The following RFX7 variants were observed in gnomAD, a reference collection of about 807,000 sequenced individuals.
RFX7 encodes regulatory factor X7, also known as DNA-binding protein RFX7.
Under a neutral mutation model 111.8 loss-of-function variants are expected in RFX7, and 26 were observed. The observed-to-expected ratio is 0.23, with a 90% CI of 0.17 to 0.32. The LOEUF (loss-of-function observed/expected upper bound fraction) is 0.32. Ranked by LOEUF, RFX7 falls within the 10% of genes least tolerant of loss-of-function variation. The pLI, the probability that RFX7 is intolerant of heterozygous loss-of-function variation, is 1.00. For missense variants in RFX7, 1,573 were observed against 1,772.9 expected (o/e 0.89, Z 2.02); for synonymous variants, 624 against 624.4 (o/e 1.00, Z 0.01).
intron 2 of RFX7, among the ~76,000 whole-genome samples, chr15:56,235,225 G>C (rs1171342854): frequency 6.6e-6 from 1 of 151,776 alleles, no homozygotes; most frequent in Non-Finnish European, 1.5e-5. Flanking sequence ...CCAGGCCGGA[G>C]TGCAGTGGCG....
intron 5 of RFX7, among the ~76,000 whole-genome samples, chr15:56,123,489 G>A (rs904357256): frequency 2.0e-5 from 3 of 152,186 alleles, no homozygotes; most frequent in African/African-American, 7.2e-5. Context: ...TCAAGTGGAA[G>A]GAAGGGGTTC....
intron 2 of RFX7, among the ~76,000 whole-genome samples, chr15:56,210,803 TAGAA>T (rs1292414572): frequency 2.0e-5 from 3 of 151,944 alleles, no homozygotes; most frequent in African/African-American, 7.2e-5. Flanking sequence ...AAGCAGTACT[TAGAA>T]AGAAATTTAT....
chr15:56,170,384 G>A (rs1430782271), intron 3 of RFX7, among the ~76,000 whole-genome samples: 1 of 152,138 alleles, frequency 6.6e-6, no homozygotes, highest in Non-Finnish European at 1.5e-5. Context: ...GTCTAGAATA[G>A]AGTTTCTTAA....
intron 2 of RFX7, among the ~76,000 whole-genome samples, chr15:56,185,232 AT>A (rs1460693827): frequency 2.6e-5 from 4 of 152,088 alleles, no homozygotes; most frequent in Admixed American, 1.3e-4. Flanking sequence ...TATGTATTTT[AT>A]TTTTAAACTA....
intron 3 of RFX7, 32 bp downstream of exon 3, chr15:56,179,238 A>C: frequency 1.8e-6 from 2 of 1,121,964 alleles, no homozygotes; most frequent in Non-Finnish European, 2.4e-6. Context: ...ACCTTATTGC[A>C]AAAGGATTTT....
At chr15:56,171,335 C>A (rs1595984723) in intron 3 of RFX7, among the ~76,000 whole-genome samples, 1 of 151,944 alleles carries the variant, frequency 6.6e-6, no homozygotes, top group Non-Finnish European at 1.5e-5. Context: ...GGCATGGGAC[C>A]AAATCAAGGA....
chr15:56,121,653 T>C (rs771741882), intron 5 of RFX7, among the ~76,000 whole-genome samples: 2 of 152,200 alleles, frequency 1.3e-5, no homozygotes, highest in African/African-American at 2.4e-5. Flanking sequence ...TTAAGGCCAA[T>C]AGCTCTTAGA....
At position 56,243,544 on chromosome 15, in the gene RFX7, ATGGCGGCGCCCCTCAGCCCCCCGC is replaced by A. The variant is rs2043744719; in HGVS notation, c.-126_-103del. The A allele has an allele frequency of 2.0e-6, 2 of 979,088 alleles. No homozygotes were observed. The highest frequency in any genetic ancestry group is 9.5e-5 in the South Asian group (2 of 20,986). 60.7% of individuals were successfully genotyped at this position (979,088 alleles called of 1,614,324 possible). A position where few individuals can be genotyped will look rare whatever the true frequency, so the allele number is the denominator to read the frequency against. On this transcript the variant is annotated 5_prime_UTR_variant, in exon 1 of 10. In the 5' UTR this introduces an upstream ATG that the reference lacks. Coordinates refer to ENST00000559447, the MANE Select transcript of RFX7 (RefSeq NM_022841.7). ...CGGGGCGCTTCACCGCGGGAGAGGC[ATGGCGGCGCCCCTCAGCCCCCCGC>A]TGGCGCCGCCGCCTCCTCCCGTCAG... is the stretch of plus-strand genomic sequence containing the variant.
chr15:56,194,440 G>A (rs2043128520), intron 2 of RFX7, among the ~76,000 whole-genome samples: 1 of 151,966 alleles, frequency 6.6e-6, no homozygotes, highest in Non-Finnish European at 1.5e-5. Flanking sequence ...CAAACTCTTA[G>A]CTTCTACCCC....
chr15:56,207,681 A>T (rs1304606948), intron 2 of RFX7, among the ~76,000 whole-genome samples: 1 of 152,208 alleles, frequency 6.6e-6, no homozygotes, highest in African/African-American at 2.4e-5. Context: ...GTGCTCTACA[A>T]AAGACTGTTA....
chr15:56,153,130 T>C (rs1394990962), intron 3 of RFX7, among the ~76,000 whole-genome samples: 2 of 151,958 alleles, frequency 1.3e-5, no homozygotes, highest in African/African-American at 4.8e-5. Flanking sequence ...CTACCAGAGG[T>C]ACAAAGAGGA....
rs144416971 is a variant in RFX7 at position 56,144,302 on chromosome 15, A to G, written c.278+99T>C. 2.5e-3 allele frequency: 943 copies of G among 380,432 alleles called. 2 individuals are homozygous for G. The highest frequency in any genetic ancestry group is 3.4e-3 in the Non-Finnish European group (705 of 210,130). The allele number at this position is 380,432 out of a possible 1,614,324, so 23.6% of individuals were successfully genotyped here. A position where few individuals can be genotyped will look rare whatever the true frequency, so the allele number is the denominator to read the frequency against. On this transcript the variant is annotated intron_variant, in intron 4 of 9. Coordinates refer to ENST00000559447, the MANE Select transcript of RFX7 (RefSeq NM_022841.7). ...TATGTTTTCTAATCATTTCAGGAAT[A>G]TTGCAAAAACTCTAACAACCAAAAC...
intron 2 of RFX7, among the ~76,000 whole-genome samples, chr15:56,214,222 A>G (rs1199422403): frequency 6.6e-6 from 1 of 152,180 alleles, no homozygotes; most frequent in Non-Finnish European, 1.5e-5. Context: ...CACTTTGGCT[A>G]TTCTAGGCCA....
intron 5 of RFX7, among the ~76,000 whole-genome samples, chr15:56,110,381 GC>G (rs1334266224): frequency 3.0e-5 from 3 of 100,058 alleles, no homozygotes; most frequent in Admixed American, 1.0e-4. Flanking sequence ...GGGGGGGTCA[GC>G]CCCCCGCCCG....
chr15:56,185,147 C>T (rs7183654), intron 2 of RFX7, among the ~76,000 whole-genome samples: 90 of 152,268 alleles, frequency 5.9e-4, no homozygotes, highest in African/African-American at 2.1e-3. Context: ...CTGGAACCTA[C>T]AAATTTTGCT....
At chr15:56,221,679 A>T (rs900867689) in intron 2 of RFX7, among the ~76,000 whole-genome samples, 1 of 151,776 alleles carries the variant, frequency 6.6e-6, no homozygotes, top group Non-Finnish European at 1.5e-5. Context: ...TATCACCTCT[A>T]TTGGCTTTTT....
At chr15:56,211,373 A>C (rs1373042101) in intron 2 of RFX7, among the ~76,000 whole-genome samples, 2 of 152,152 alleles carry the variant, frequency 1.3e-5, no homozygotes, top group Non-Finnish European at 2.9e-5. Context: ...CAAAAACACT[A>C]GAGACAGATC....
At chr15:56,227,613 C>T (rs1048150368) in intron 2 of RFX7, among the ~76,000 whole-genome samples, 7 of 152,122 alleles carry the variant, frequency 4.6e-5, no homozygotes, top group East Asian at 1.9e-4. Context: ...TACTGCTTCA[C>T]GATTAGCGCA....
At position 56,184,807 on chromosome 15, in the gene RFX7, T is replaced by G. The variant is rs183582300; in HGVS notation, c.162-5504A>C. The stretch of plus-strand genomic sequence containing the variant: ...CTTTATTTATCTTTATTATAATTAC[T>G]GCCACTGGCATTTATCTGTTTGTCC... On this transcript the variant is annotated intron_variant, in intron 2 of 9. Transcript: ENST00000559447. 1.9e-4 allele frequency among the ~76,000 whole-genome samples: 29 copies of G among 152,352 alleles called. No individual in the cohort carries two copies. In the East Asian group the frequency reaches 4.4e-3, roughly 23 times the overall value.
Sources: allele counts gnomAD v4.1 joint callset (sites outside exome capture counted in the v4.1 genomes callset), GRCh38; gene constraint gnomAD v4.1.1; transcripts MANE v1.5; gene names NCBI Gene and HGNC (gene_info 2026-07-23, HGNC 2026-07-21).